SBF2: variants seen among roughly 807,000 people sequenced by gnomAD.
SBF2 encodes SET binding factor 2, also known as myotubularin-related protein 13.
SBF2 carries 112 observed loss-of-function variants against 225.2 expected under a neutral mutation model. The ratio of observed to expected loss-of-function variants is 0.50; its 90% CI spans 0.43 to 0.58. The LOEUF (loss-of-function observed/expected upper bound fraction) is 0.58. Ranked by LOEUF, SBF2 falls within the 20% of genes least tolerant of loss-of-function variation. The probability of loss-of-function intolerance (pLI) is 0.00; values close to 1 mark genes in which losing one functional copy is unlikely to be tolerated. For synonymous variants in SBF2, 763 were observed against 773.3 expected (o/e 0.99, Z 0.22); for missense variants, 1,996 against 2,206.2 (o/e 0.90, Z 1.91).
intron 6 of SBF2, among the ~76,000 whole-genome samples, chr11:10,018,573 C>G (rs924370077): frequency 6.6e-6 from 1 of 152,108 alleles, no homozygotes; most frequent in Non-Finnish European, 1.5e-5. Context: ...ATAGATAATT[C>G]AATGCAAAGA....
In SBF2 at chr11:10,182,242, G is replaced by A. The variant is rs559974552; in HGVS notation, c.141+11660C>T. On this transcript the variant is annotated intron_variant, in intron 2 of 39. Coordinates refer to ENST00000256190, the MANE Select transcript of SBF2 (RefSeq NM_030962.4). ...TTATGAGATCAAAATGGGGGGGTAG[G>A]TAATATAAAAATTCATTCCTTACGT... 7.9e-5 allele frequency among the ~76,000 whole-genome samples: 12 copies of A among 152,258 alleles called. No homozygotes were observed. In the East Asian group the frequency reaches 2.1e-3, roughly 27 times the overall value.
chr11:10,302,580 G>A (rs1366609104), intron 1 of SBF2: 1 of 151,974 alleles, frequency 6.6e-6, no homozygotes, highest in African/African-American at 2.4e-5. Context: ...ATAGGCACCC[G>A]AGGCTGGCAG....
chr11:10,014,904 T>C (rs745780841), intron 6 of SBF2, among the ~76,000 whole-genome samples: 1 of 151,934 alleles, frequency 6.6e-6, no homozygotes, highest in Non-Finnish European at 1.5e-5. Flanking sequence ...CTGAGGTAGG[T>C]AGATCGCTTG....
chr11:10,205,217 T>C (rs1957712899), intron 1 of SBF2, among the ~76,000 whole-genome samples: 1 of 151,928 alleles, frequency 6.6e-6, no homozygotes, highest in Admixed American at 6.6e-5. Flanking sequence ...ATAGTGGTAA[T>C]GGTCGCACAA....
intron 16 of SBF2, among the ~76,000 whole-genome samples, chr11:9,938,696 CAGA>C (rs1413442437): frequency 2.6e-5 from 4 of 151,930 alleles, no homozygotes; most frequent in Non-Finnish European, 4.4e-5. Flanking sequence ...GCCATTCTTT[CAGA>C]AGAAAATAAA....
chr11:10,210,582 C>A (rs999315339), intron 1 of SBF2, among the ~76,000 whole-genome samples: 2 of 152,194 alleles, frequency 1.3e-5, no homozygotes, highest in South Asian at 2.1e-4. Context: ...AGACAACTGG[C>A]CGTTTCTACC....
chr11:9,949,117 AG>A lies in SBF2; in HGVS notation c.1860+12839del, dbSNP rs902377463. Among the ~76,000 whole-genome samples, 83 of 152,248 alleles carry A rather than the reference AG, an allele frequency of 5.5e-4. 1 individual carries two copies. Among genetic ancestry groups the A allele is most frequent in the Middle Eastern group, 6.8e-3 (2 of 294 alleles). On this transcript the variant is annotated intron_variant, in intron 16 of 39. Coordinates refer to ENST00000256190, the MANE Select transcript of SBF2 (RefSeq NM_030962.4). ...GCAAGAGAAAAGAAGAAGGAATGGG[AG>A]GGGGGAGAAGAAAGGTAGAAAGCAC...
chr11:10,189,077 T>C (rs1481082586), intron 2 of SBF2, among the ~76,000 whole-genome samples: 1 of 152,236 alleles, frequency 6.6e-6, no homozygotes. Flanking sequence ...AGATTCCATC[T>C]ACAGTATCTA....
chr11:10,180,254 G>C (rs1565325823), intron 2 of SBF2, among the ~76,000 whole-genome samples: 1 of 151,890 alleles, frequency 6.6e-6, no homozygotes, highest in South Asian at 2.1e-4. Flanking sequence ...ATCATTTCTT[G>C]TAAGACAGGT....
At chr11:10,084,802 G>A (rs1951496656) in intron 2 of SBF2, among the ~76,000 whole-genome samples, 1 of 152,198 alleles carries the variant, frequency 6.6e-6, no homozygotes, top group Non-Finnish European at 1.5e-5. Flanking sequence ...GGAACTGGAG[G>A]CTGTTATCTT....
At chr11:10,302,034 C>G (rs779021246) in intron 1 of SBF2, among the ~76,000 whole-genome samples, 1 of 151,782 alleles carries the variant, frequency 6.6e-6, no homozygotes, top group Admixed American at 6.6e-5. Flanking sequence ...AAAGATGTTT[C>G]TTCCTTCACT....
chr11:9,991,537 T>G (rs1947438815), intron 12 of SBF2, among the ~76,000 whole-genome samples: 1 of 152,178 alleles, frequency 6.6e-6, no homozygotes, highest in Non-Finnish European at 1.5e-5. Context: ...TTTTATAGAT[T>G]TCAAGAAACT....
At chr11:9,823,628 A>AGGCAT (rs1854904329) in intron 28 of SBF2, among the ~76,000 whole-genome samples, 1 of 152,202 alleles carries the variant, frequency 6.6e-6, no homozygotes, top group African/African-American at 2.4e-5. Flanking sequence ...ATTACTTGCA[A>AGGCAT]GGCATGGGCA....
chr11:9,811,493 A>G (rs1854180993), intron 30 of SBF2, among the ~76,000 whole-genome samples: 1 of 152,178 alleles, frequency 6.6e-6, no homozygotes, highest in East Asian at 1.9e-4. Flanking sequence ...AGAAACATGG[A>G]TAGATAAGTT....
chr11:9,790,650 G>C lies in SBF2; in HGVS notation c.4604C>G (p.Ala1535Gly). Residue 1535 changes from alanine to glycine, a missense_variant, in exon 34 of 40, where the codon GCC becomes GGC. Physicochemically the swap from Ala to Gly is moderately conservative, Grantham distance 60. Transcript: ENST00000256190. ...TTCCCAAATACAGACTCCTTTTTTG[G>C]CATGCTTTTCTCCTTTATCATCAAA... Reference protein sequence around the residue: ...TLFDDKGEKHAKKGVCIWECI... With the variant: ...TLFDDKGEKHGKKGVCIWECI... 6.3e-7 allele frequency: 1 copy of C among 1,583,372 alleles called. No individual in the cohort carries two copies. Among genetic ancestry groups the C allele is most frequent in the Non-Finnish European group, 8.7e-7 (1 of 1,154,292 alleles).
At chr11:10,009,421 C>T (rs1948345392) in intron 6 of SBF2, among the ~76,000 whole-genome samples, 1 of 152,124 alleles carries the variant, frequency 6.6e-6, no homozygotes, top group African/African-American at 2.4e-5. Flanking sequence ...CTCCCCACCC[C>T]CTGACAGGCC....
At chr11:9,894,575 T>C (rs1861092868) in intron 17 of SBF2, among the ~76,000 whole-genome samples, 1 of 151,936 alleles carries the variant, frequency 6.6e-6, no homozygotes, top group Admixed American at 6.6e-5. Context: ...TTCCAGCTAC[T>C]TGGGAGGCTG....
chr11:9,840,879 G>T (rs1456605241), intron 25 of SBF2, among the ~76,000 whole-genome samples: 1 of 150,324 alleles, frequency 6.7e-6, no homozygotes, highest in African/African-American at 2.4e-5. Context: ...AGATGTGGAA[G>T]AATTTACTCA....
At chr11:10,244,255 T>C (rs1416747937) in intron 1 of SBF2, among the ~76,000 whole-genome samples, 1 of 152,194 alleles carries the variant, frequency 6.6e-6, no homozygotes, top group African/African-American at 2.4e-5. Context: ...AGTTTCATCG[T>C]TTCAGGTCTT....
Sources: gnomAD v4.1 joint callset for allele counts (sites outside exome capture counted in the v4.1 genomes callset) on GRCh38, gnomAD v4.1.1 for gene constraint, MANE v1.5 for transcripts, NCBI Gene and HGNC (gene_info 2026-07-23, HGNC 2026-07-21) for gene names.